Variants in DSCAML1 observed in about 807,000 individuals in gnomAD.
The protein encoded by DSCAML1 is cell adhesion molecule DSCAML1.
In DSCAML1, 38 loss-of-function variants were observed where a neutral mutation model predicts 200.5. The observed-to-expected ratio is 0.19, with a 90% CI of 0.15 to 0.25. The LOEUF (loss-of-function observed/expected upper bound fraction) is 0.25, where lower values mean the gene tolerates loss of function less well. DSCAML1 is among the 10% of genes least tolerant of loss of function. The probability of loss-of-function intolerance (pLI) is 1.00; values close to 1 mark genes in which losing one functional copy is unlikely to be tolerated. For synonymous variants in DSCAML1, 1,215 were observed against 1,165.0 expected (o/e 1.04, Z -0.87); for missense variants, 2,223 against 2,858.8 (o/e 0.78, Z 5.07).
In DSCAML1 at chr11:117,446,730, C is replaced by T. The variant is rs533161948; in HGVS notation, c.3709-2691G>A. On this transcript the variant is annotated intron_variant, in intron 20 of 32. Coordinates refer to ENST00000651296, the MANE Select transcript of DSCAML1 (RefSeq NM_020693.4). Reference sequence around the variant, plus strand: ...AGGACAATACTGTTGGCCACTCACCCTGCTGGTAGAAACATACATGGGTGC... The same window carrying T: ...AGGACAATACTGTTGGCCACTCACCTTGCTGGTAGAAACATACATGGGTGC... 2.6e-5 allele frequency among the ~76,000 whole-genome samples: 4 copies of T among 152,316 alleles called. No individual in the cohort carries two copies. In the South Asian group the frequency reaches 8.3e-4, roughly 32 times the overall value.
chr11:117,583,148 T>A (rs2051075275), intron 3 of DSCAML1, among the ~76,000 whole-genome samples: 1 of 151,952 alleles, frequency 6.6e-6, no homozygotes, highest in African/African-American at 2.4e-5. Context: ...CCCCTCCGCA[T>A]GCTGATGGGC....
At chr11:117,694,082 C>CACAT (rs113661359) in intron 3 of DSCAML1, among the ~76,000 whole-genome samples, 10,460 of 139,204 alleles carry the variant, frequency 0.075, 1,257 homozygotes, top group African/African-American at 0.25. Context: ...TATATATACA[C>CACAT]ATATATATAT....
rs557114740 is a variant in DSCAML1 at position 117,491,504 on chromosome 11, G to A, written c.2360-9342C>T. 3.9e-5 allele frequency among the ~76,000 whole-genome samples: 6 copies of A among 152,318 alleles called. No individual in the cohort carries two copies. The South Asian group carries it at 1.0e-3, about 26-fold the overall frequency. ...ATGTTGGCCAGGTGTGGTGGCTCAC[G>A]CTTGTAATCCCAGCACTTTGGGAGG... On this transcript the variant is annotated intron_variant, in intron 11 of 32. Transcript: ENST00000651296.
intron 3 of DSCAML1, among the ~76,000 whole-genome samples, chr11:117,739,695 G>A (rs1482911458): frequency 6.6e-6 from 1 of 152,230 alleles, no homozygotes; most frequent in Non-Finnish European, 1.5e-5. Flanking sequence ...CAGTGCCCCT[G>A]AAGATGGGCT....
chr11:117,432,788 T>G (rs967164219), intron 29 of DSCAML1, among the ~76,000 whole-genome samples: 2 of 149,364 alleles, frequency 1.3e-5, no homozygotes, highest in African/African-American at 5.0e-5. Context: ...TTTTTTTTTT[T>G]GTGGTAGAAA....
chr11:117,650,018 A>C (rs1290763807), intron 3 of DSCAML1, among the ~76,000 whole-genome samples: 2 of 152,216 alleles, frequency 1.3e-5, no homozygotes, highest in South Asian at 2.1e-4. Context: ...GGCACTGAGC[A>C]GCGGTTGGCA....
At chr11:117,486,886 G>GA (rs57875880) in intron 11 of DSCAML1, among the ~76,000 whole-genome samples, 111,448 of 120,156 alleles carry the variant, frequency 0.93, 51,839 homozygotes, top group Middle Eastern at 0.98. Context: ...AATGTAGGAA[G>GA]AAAAAAAAAA....
intron 3 of DSCAML1, among the ~76,000 whole-genome samples, chr11:117,549,676 A>G (rs1297953184): frequency 4.1e-4 from 63 of 152,194 alleles, no homozygotes; most frequent in East Asian, 1.9e-4. Context: ...CAACGTCTAC[A>G]TCGGTACACT....
intron 3 of DSCAML1, among the ~76,000 whole-genome samples, chr11:117,692,836 G>A (rs1039684024): frequency 2.6e-5 from 4 of 152,142 alleles, no homozygotes; most frequent in Admixed American, 1.3e-4. Context: ...AACTGAAACC[G>A]GTTGTTCTAC....
Position 117,471,937 on chromosome 11 carries a change from A to G in DSCAML1, c.2885T>C (p.Met962Thr). The change falls in exon 15 of 33, where the codon ATG (methionine) becomes ACG (threonine). Residue 962 changes from methionine to threonine, a missense_variant. Met to Thr is a moderately conservative substitution (Grantham distance 81, BLOSUM62 -1). This residue lies in a region of DSCAML1 where 438 missense variants were observed against 629.7 expected (regional missense o/e 0.70). Coordinates refer to ENST00000651296, the MANE Select transcript of DSCAML1 (RefSeq NM_020693.4). The part of the protein sequence containing the change: ...LHPASVYSIR[M>T]YSFNKIGRSE... Reference sequence around the variant, plus strand: ...GCGGCCAATCTTGTTGAAAGAGTACATGCGGATGCTGTACACAGATGCCGG... The same window carrying G: ...GCGGCCAATCTTGTTGAAAGAGTACGTGCGGATGCTGTACACAGATGCCGG... 1 of 1,614,172 alleles carries G rather than the reference A, an allele frequency of 6.2e-7. No individual in the cohort carries two copies. Among genetic ancestry groups the G allele is most frequent in the Non-Finnish European group, 8.5e-7 (1 of 1,180,038 alleles).
chr11:117,737,972 C>A (rs1293847328), intron 3 of DSCAML1, among the ~76,000 whole-genome samples: 20 of 152,090 alleles, frequency 1.3e-4, no homozygotes, highest in Admixed American at 1.2e-3. Flanking sequence ...ATGATCAGAT[C>A]TCTATTTTAG....
At chr11:117,432,600 GTTTT>G in intron 29 of DSCAML1, 96 bp from the exon 30 acceptor site, 1 of 1,384,478 alleles carries the variant, frequency 7.2e-7, no homozygotes, top group Non-Finnish European at 9.9e-7. Flanking sequence ...TATCCAATGT[GTTTT>G]TTGTTTGTGG....
chr11:117,599,464 A>C (rs2051424375), intron 3 of DSCAML1, among the ~76,000 whole-genome samples: 1 of 152,216 alleles, frequency 6.6e-6, no homozygotes, highest in Admixed American at 6.5e-5. Flanking sequence ...TCTTTTGAGT[A>C]TGAATGCCTT....
At position 117,679,849 on chromosome 11, in the gene DSCAML1, C is replaced by T. The variant is rs140411140; in HGVS notation, c.511+96942G>A. Among the ~76,000 whole-genome samples the T allele has an allele frequency of 5.5e-3, 832 of 152,304 alleles. 10 individuals are homozygous for T. The highest frequency in any genetic ancestry group is 6.7e-3 in the Non-Finnish European group (455 of 68,030). On this transcript the variant is annotated intron_variant, in intron 3 of 32. Coordinates refer to ENST00000651296, the MANE Select transcript of DSCAML1 (RefSeq NM_020693.4). ...TCATGTGCCCACCAGGAAGAGCAGT[C>T]CCTCCACAATGATTATAAAGAATTC...
At chr11:117,479,558 C>A (rs958816156) in intron 14 of DSCAML1, among the ~76,000 whole-genome samples, 2 of 152,196 alleles carry the variant, frequency 1.3e-5, no homozygotes, top group African/African-American at 4.8e-5. Context: ...TCCCCAGATG[C>A]GGGGTGCCCA....
intron 3 of DSCAML1, among the ~76,000 whole-genome samples, chr11:117,710,611 C>T (rs931787786): frequency 3.9e-5 from 6 of 152,324 alleles, no homozygotes; most frequent in East Asian, 1.9e-4. Flanking sequence ...TTAACCGCCC[C>T]GTGACTCAGT....
intron 11 of DSCAML1, among the ~76,000 whole-genome samples, chr11:117,495,564 C>CG (rs1485152204): frequency 2.0e-5 from 3 of 152,030 alleles, no homozygotes; most frequent in African/African-American, 4.8e-5. Context: ...GTCACTTTAG[C>CG]GGGGGGCAGG....
At chr11:117,696,452 T>C (rs538763924) in intron 3 of DSCAML1, among the ~76,000 whole-genome samples, 80 of 152,332 alleles carry the variant, frequency 5.3e-4, no homozygotes, top group African/African-American at 1.8e-3. Context: ...CATAAATGTA[T>C]AATGTGCTCT....
chr11:117,758,745 G>C (rs973664315), intron 3 of DSCAML1, among the ~76,000 whole-genome samples: 11 of 152,100 alleles, frequency 7.2e-5, no homozygotes, highest in African/African-American at 1.4e-4. Context: ...CTTAAGGATA[G>C]AGCCTTACAG....
Sources: allele counts gnomAD v4.1 joint callset (sites outside exome capture counted in the v4.1 genomes callset), GRCh38; gene constraint gnomAD v4.1.1; regional missense constraint gnomAD v4.1.1; transcripts MANE v1.5; gene names NCBI Gene and HGNC (gene_info 2026-07-23, HGNC 2026-07-21).